Variants in PRR16 observed in about 807,000 individuals in gnomAD.
PRR16 encodes the protein proline rich 16.
Under a neutral mutation model 18.2 loss-of-function variants are expected in PRR16, and 6 were observed. The observed-to-expected ratio is 0.33, with a 90% CI of 0.18 to 0.65. The LOEUF is 0.65. Ranked by LOEUF, PRR16 falls within the 30% of genes least tolerant of loss-of-function variation. PRR16 has a pLI of 0.74. For missense variants in PRR16, 412 were observed against 376.6 expected (o/e 1.09, Z -0.78); for synonymous variants, 151 against 147.8 (o/e 1.02, Z -0.16).
At chr5:120,788,861 T>C in the PRR16 span, among the ~76,000 whole-genome samples, 2 of 152,130 alleles carry the variant, frequency 1.3e-5, no homozygotes, top group Admixed American at 6.6e-5. Context: ...TCCTTTTTGA[T>C]TGTTCATTTA....
intron 1 of PRR16, among the ~76,000 whole-genome samples, chr5:120,625,943 A>T (rs187518719): frequency 6.6e-6 from 1 of 152,128 alleles, no homozygotes; most frequent in Non-Finnish European, 1.5e-5. Flanking sequence ...GTCTTGCTTA[A>T]TTTAGAACTA....
chr5:120,768,301 C>T, the PRR16 span, among the ~76,000 whole-genome samples: 1 of 151,674 alleles, frequency 6.6e-6, no homozygotes, highest in Non-Finnish European at 1.5e-5. Flanking sequence ...TTTAAAGAAA[C>T]AGTGCTAGCT....
intron 1 of PRR16, among the ~76,000 whole-genome samples, chr5:120,561,429 A>G (rs1406505328): frequency 6.6e-6 from 1 of 152,084 alleles, no homozygotes; most frequent in East Asian, 1.9e-4. Context: ...TGTTGCCAAC[A>G]TTAATCTTTT....
chr5:120,714,783 T>C, the PRR16 span, among the ~76,000 whole-genome samples: 2 of 152,212 alleles, frequency 1.3e-5, no homozygotes, highest in South Asian at 4.1e-4. Flanking sequence ...ATGTGGCACA[T>C]ATACACCACG....
intron 1 of PRR16, among the ~76,000 whole-genome samples, chr5:120,578,560 C>A (rs574379665): frequency 6.6e-6 from 1 of 152,190 alleles, no homozygotes; most frequent in Admixed American, 6.5e-5. Context: ...ATTCATGTCC[C>A]TGCAAAGGAC....
chr5:120,667,152 C>A (rs372663525), intron 1 of PRR16, among the ~76,000 whole-genome samples: 20 of 152,272 alleles, frequency 1.3e-4, no homozygotes, highest in South Asian at 4.1e-4. Flanking sequence ...TTATTGGTCT[C>A]TTCAGAGATT....
At chr5:120,676,874 C>G (rs986565126) in intron 1 of PRR16, among the ~76,000 whole-genome samples, 28 of 152,084 alleles carry the variant, frequency 1.8e-4, no homozygotes, top group African/African-American at 6.8e-4. Context: ...GGACATTGGA[C>G]ATTTTCAGAA....
intron 1 of PRR16, among the ~76,000 whole-genome samples, chr5:120,670,223 G>A (rs1247292837): frequency 1.3e-5 from 2 of 152,052 alleles, no homozygotes; most frequent in Non-Finnish European, 2.9e-5. Flanking sequence ...TATAGAACAT[G>A]TGTATTTATA....
intron 1 of PRR16, among the ~76,000 whole-genome samples, chr5:120,522,961 G>T (rs979738909): frequency 6.6e-6 from 1 of 152,008 alleles, no homozygotes; most frequent in Non-Finnish European, 1.5e-5. Flanking sequence ...GTAATTTGCT[G>T]TAGTCACCAT....
intron 1 of PRR16, among the ~76,000 whole-genome samples, chr5:120,606,768 A>G (rs1474436100): frequency 1.3e-5 from 2 of 152,130 alleles, no homozygotes; most frequent in African/African-American, 4.8e-5. Context: ...TCGGTCAAGC[A>G]TGGTAGAATA....
chr5:120,701,515 G>A, the PRR16 span, among the ~76,000 whole-genome samples: 2 of 152,092 alleles, frequency 1.3e-5, no homozygotes, highest in African/African-American at 2.4e-5. Context: ...CTGGGCAGGA[G>A]GGGGAGGGCT....
chr5:120,787,662 T>A, the PRR16 span, among the ~76,000 whole-genome samples: 1 of 152,134 alleles, frequency 6.6e-6, no homozygotes, highest in East Asian at 1.9e-4. Context: ...ATGGGTTAGT[T>A]TGCTCACTTC....
At chr5:120,583,360 A>G (rs1753338379) in intron 1 of PRR16, among the ~76,000 whole-genome samples, 1 of 151,510 alleles carries the variant, frequency 6.6e-6, no homozygotes, top group African/African-American at 2.4e-5. Context: ...CAAGTAATCC[A>G]TGTCACCATG....
At position 120,531,116 on chromosome 5, in the gene PRR16, A is replaced by C. The variant is rs192923878; in HGVS notation, c.159+66471A>C. On this transcript the variant is annotated intron_variant, in intron 1 of 1. Transcript: ENST00000407149. ...TATTCAAATTATACTAGCTCAGAAA[A>C]TTAGGTAGTTTAAAAACTCAGATTA... 1.3e-4 allele frequency among the ~76,000 whole-genome samples: 20 copies of C among 152,310 alleles called. No individual in the cohort carries two copies. In the East Asian group the frequency reaches 3.9e-3, roughly 29 times the overall value.
chr5:120,765,659 C>T, the PRR16 span, among the ~76,000 whole-genome samples: 13 of 152,106 alleles, frequency 8.5e-5, no homozygotes, highest in Non-Finnish European at 8.8e-5. Context: ...GTCCACCTAT[C>T]ATCAGTTTAC....
At chr5:120,752,656 A>G in the PRR16 span, among the ~76,000 whole-genome samples, 2 of 151,994 alleles carry the variant, frequency 1.3e-5, no homozygotes, top group Non-Finnish European at 2.9e-5. Flanking sequence ...AACAGGATAA[A>G]AAGTCATAAA....
At chr5:120,563,449 C>T (rs991266918) in intron 1 of PRR16, among the ~76,000 whole-genome samples, 2 of 152,320 alleles carry the variant, frequency 1.3e-5, no homozygotes, top group Admixed American at 1.3e-4. Flanking sequence ...CATCAAACCA[C>T]AATACAAAGA....
At chr5:120,644,689 AT>A (rs1350229944) in intron 1 of PRR16, among the ~76,000 whole-genome samples, 1 of 152,146 alleles carries the variant, frequency 6.6e-6, no homozygotes, top group Admixed American at 6.6e-5. Context: ...CATAGTCATG[AT>A]TCTTCATTTG....
chr5:120,566,129 C>G (rs575984129), intron 1 of PRR16, among the ~76,000 whole-genome samples: 65 of 152,270 alleles, frequency 4.3e-4, no homozygotes, highest in African/African-American at 1.5e-3. Context: ...TAGATTAATG[C>G]TGTTATTTCC....
Sources: gnomAD v4.1 joint callset for allele counts (sites outside exome capture counted in the v4.1 genomes callset) on GRCh38, gnomAD v4.1.1 for gene constraint, MANE v1.5 for transcripts, NCBI Gene and HGNC (gene_info 2026-07-23, HGNC 2026-07-21) for gene names.